The following TUSC3 variants were observed in gnomAD, a reference collection of about 807,000 sequenced individuals.
TUSC3 encodes the protein dolichyl-diphosphooligosaccharide--protein glycosyltransferase subunit TUSC3.
TUSC3 carries 45 observed loss-of-function variants against 44.8 expected under a neutral mutation model. That is an observed-to-expected ratio of 1.00 (90% CI 0.79 to 1.29). The LOEUF (loss-of-function observed/expected upper bound fraction) is 1.29, where lower values mean the gene tolerates loss of function less well. Ranked by LOEUF, TUSC3 falls within the 50% of genes most tolerant of loss-of-function variation. TUSC3 has a pLI of 0.00. For synonymous variants in TUSC3, 212 were observed against 152.9 expected (o/e 1.39, Z -2.85); for missense variants, 519 against 437.9 (o/e 1.19, Z -1.65).
intron 1 of TUSC3, among the ~76,000 whole-genome samples, chr8:15,465,772 T>C (rs1472376482): frequency 6.6e-6 from 1 of 152,196 alleles, no homozygotes; most frequent in African/African-American, 2.4e-5. Context: ...GTTACTTCTC[T>C]GCAGTGCAAC....
At chr8:15,441,174 A>C (rs1235427122) in intron 1 of TUSC3, among the ~76,000 whole-genome samples, 1 of 152,236 alleles carries the variant, frequency 6.6e-6, no homozygotes. Context: ...TGGGAGGCTG[A>C]GACAGGTGGA....
intron 5 of TUSC3, among the ~76,000 whole-genome samples, chr8:15,672,733 G>A (rs1422848690): frequency 6.6e-6 from 1 of 152,034 alleles, no homozygotes; most frequent in Non-Finnish European, 1.5e-5. Context: ...TAATTTCTGG[G>A]TTTAGATATC....
At chr8:15,807,686 A>G in the TUSC3 span, among the ~76,000 whole-genome samples, 2 of 152,204 alleles carry the variant, frequency 1.3e-5, no homozygotes, top group Admixed American at 6.5e-5. Flanking sequence ...AACACCATAC[A>G]AAAGAACAAA....
intron 1 of TUSC3, among the ~76,000 whole-genome samples, chr8:15,608,079 T>G (rs373331713): frequency 1.8e-4 from 27 of 152,226 alleles, no homozygotes; most frequent in African/African-American, 6.0e-4. Context: ...TTCTTGGTTT[T>G]ACATTTAAAT....
At chr8:15,493,829 G>T (rs1800843407) in intron 2 of TUSC3, among the ~76,000 whole-genome samples, 1 of 152,160 alleles carries the variant, frequency 6.6e-6, no homozygotes, top group African/African-American at 2.4e-5. Flanking sequence ...CTTTCCGATT[G>T]AGTTTGGAAA....
intron 1 of TUSC3, among the ~76,000 whole-genome samples, chr8:15,583,046 C>G (rs1049766637): frequency 6.6e-6 from 1 of 151,998 alleles, no homozygotes; most frequent in Admixed American, 6.6e-5. Context: ...GCTAGGTGAC[C>G]ATGAAGTTGA....
At position 15,540,285 on chromosome 8, in the gene TUSC3, G is replaced by A. The variant is rs1801633097; in HGVS notation, c.-146G>A. ...GTCAGTCTCCTCCTCTGCGTCCTCG[G>A]CCGCGGCCCGGGTCCCTCGCAAAGC... On this transcript the variant is annotated 5_prime_UTR_variant, in exon 1 of 11. Coordinates refer to ENST00000503731, the MANE Select transcript of TUSC3 (RefSeq NM_006765.4). 3 of 1,184,226 alleles carry A rather than the reference G, an allele frequency of 2.5e-6. No individual in the cohort carries two copies. Among genetic ancestry groups the A allele is most frequent in the Admixed American group, 4.1e-5 (1 of 24,476 alleles). The allele number at this position is 1,184,226 out of a possible 1,614,324, so 73.4% of individuals were successfully genotyped here. A position where few individuals can be genotyped will look rare whatever the true frequency, so the allele number is the denominator to read the frequency against.
intron 2 of TUSC3, among the ~76,000 whole-genome samples, chr8:15,516,677 C>G (rs990524948): frequency 6.6e-5 from 10 of 152,090 alleles, no homozygotes; most frequent in Non-Finnish European, 1.5e-4. Context: ...GGGCAAAAAT[C>G]TTTCACTTTT....
At chr8:15,794,870 C>T in the TUSC3 span, among the ~76,000 whole-genome samples, 24 of 152,214 alleles carry the variant, frequency 1.6e-4, no homozygotes, top group African/African-American at 5.8e-4. Context: ...ATTTTCTGGA[C>T]AAACATCCTC....
chr8:15,556,394 A>C (rs1802267172), intron 1 of TUSC3, among the ~76,000 whole-genome samples: 1 of 151,120 alleles, frequency 6.6e-6, no homozygotes, highest in South Asian at 2.1e-4. Flanking sequence ...TTCTTAATCC[A>C]GTCTATCATT....
chr8:15,473,794 A>G (rs751794430), intron 1 of TUSC3, among the ~76,000 whole-genome samples: 8 of 152,202 alleles, frequency 5.3e-5, no homozygotes, highest in Admixed American at 3.9e-4. Flanking sequence ...AAACAGGACA[A>G]GGCAAAACAG....
At chr8:15,801,537 T>C in the TUSC3 span, among the ~76,000 whole-genome samples, 2 of 152,180 alleles carry the variant, frequency 1.3e-5, no homozygotes. Flanking sequence ...CAAAGTGACA[T>C]GTCCATTTTT....
At chr8:15,727,367 C>T (rs1810538475) in intron 6 of TUSC3, among the ~76,000 whole-genome samples, 1 of 152,110 alleles carries the variant, frequency 6.6e-6, no homozygotes, top group Non-Finnish European at 1.5e-5. Flanking sequence ...CATTAGTAGA[C>T]AAAATGTATT....
At chr8:15,706,926 G>A (rs1393652219) in intron 6 of TUSC3, among the ~76,000 whole-genome samples, 2 of 151,846 alleles carry the variant, frequency 1.3e-5, no homozygotes, top group Non-Finnish European at 2.9e-5. Flanking sequence ...GCCACCCAGA[G>A]CAACATAAAA....
At chr8:15,597,242 C>T (rs1453606079) in intron 1 of TUSC3, among the ~76,000 whole-genome samples, 1 of 152,110 alleles carries the variant, frequency 6.6e-6, no homozygotes, top group African/African-American at 2.4e-5. Flanking sequence ...CAGTCCAACT[C>T]AGGATCTGTC....
At chr8:15,599,382 T>G (rs888453074) in intron 1 of TUSC3, among the ~76,000 whole-genome samples, 1 of 151,786 alleles carries the variant, frequency 6.6e-6, no homozygotes, top group Non-Finnish European at 1.5e-5. Context: ...GTGAGTCGTC[T>G]TCTTATTTCG....
At chr8:15,777,734 G>A in the TUSC3 span, among the ~76,000 whole-genome samples, 9 of 152,070 alleles carry the variant, frequency 5.9e-5, no homozygotes, top group African/African-American at 2.2e-4. Context: ...AAGGTTGTTG[G>A]ACTATAATGG....
chr8:15,653,759 A>C (rs1807023776), intron 3 of TUSC3, among the ~76,000 whole-genome samples: 1 of 152,224 alleles, frequency 6.6e-6, no homozygotes, highest in Admixed American at 6.5e-5. Context: ...AGAAACACTA[A>C]AAGGTTTTTA....
chr8:15,800,061 T>G, the TUSC3 span, among the ~76,000 whole-genome samples: 2 of 152,272 alleles, frequency 1.3e-5, no homozygotes, highest in Middle Eastern at 3.4e-3. Flanking sequence ...GGGACATAAC[T>G]CCTCTATCTT....
Sources: gnomAD v4.1 joint callset for allele counts (sites outside exome capture counted in the v4.1 genomes callset) on GRCh38, gnomAD v4.1.1 for gene constraint, MANE v1.5 for transcripts, NCBI Gene and HGNC (gene_info 2026-07-23, HGNC 2026-07-21) for gene names.